XKR4: variants seen among roughly 807,000 people sequenced by gnomAD.
The protein encoded by XKR4 is XK related 4.
A neutral mutation model predicts 53.9 loss-of-function variants in XKR4; 12 were observed. The ratio of observed to expected loss-of-function variants is 0.22; its 90% CI spans 0.14 to 0.36. The LOEUF (loss-of-function observed/expected upper bound fraction) is 0.36. Among genes scored for constraint, XKR4 ranks in the 10% least tolerant of loss-of-function variants. The pLI, the probability that XKR4 is intolerant of heterozygous loss-of-function variation, is 1.00. For missense variants in XKR4, 799 were observed against 859.5 expected (o/e 0.93, Z 0.88); for synonymous variants, 354 against 362.4 (o/e 0.98, Z 0.26).
At chr8:55,192,570 G>A (rs1030413146) in intron 1 of XKR4, among the ~76,000 whole-genome samples, 1 of 152,194 alleles carries the variant, frequency 6.6e-6, no homozygotes, top group African/African-American at 2.4e-5. Flanking sequence ...TGAATAACAG[G>A]AGACTCGGGT....
At chr8:55,405,707 G>T (rs1235410024) in intron 2 of XKR4, among the ~76,000 whole-genome samples, 1 of 152,194 alleles carries the variant, frequency 6.6e-6, no homozygotes, top group Non-Finnish European at 1.5e-5. Flanking sequence ...TGATAGTCCA[G>T]ACTCTAGGAG....
At chr8:55,214,948 G>C (rs1021203614) in intron 1 of XKR4, among the ~76,000 whole-genome samples, 3 of 151,886 alleles carry the variant, frequency 2.0e-5, no homozygotes, top group South Asian at 2.1e-4. Flanking sequence ...CTTTCTCCAG[G>C]GTATGTGTCT....
At chr8:55,465,225 G>A (rs1184106326) in intron 2 of XKR4, among the ~76,000 whole-genome samples, 3 of 152,102 alleles carry the variant, frequency 2.0e-5, no homozygotes, top group African/African-American at 7.3e-5. Flanking sequence ...CATGCTACCT[G>A]ACTTCAAACT....
At chr8:55,213,445 G>T (rs759832176) in intron 1 of XKR4, among the ~76,000 whole-genome samples, 1 of 152,166 alleles carries the variant, frequency 6.6e-6, no homozygotes, top group African/African-American at 2.4e-5. Context: ...AAAGTATCTC[G>T]AGTACCAATC....
At chr8:55,404,035 C>T (rs142544469) in intron 2 of XKR4, among the ~76,000 whole-genome samples, 1 of 152,274 alleles carries the variant, frequency 6.6e-6, no homozygotes, top group Non-Finnish European at 1.5e-5. Flanking sequence ...AAGAGAAGAG[C>T]AGAGGGAAGG....
At chr8:55,282,674 C>T (rs1167383409) in intron 1 of XKR4, among the ~76,000 whole-genome samples, 2 of 152,162 alleles carry the variant, frequency 1.3e-5, no homozygotes, top group African/African-American at 4.8e-5. Context: ...ACTTGTCCTA[C>T]CTCCAACATT....
chr8:55,195,614 A>G (rs1344385060), intron 1 of XKR4, among the ~76,000 whole-genome samples: 1 of 152,170 alleles, frequency 6.6e-6, no homozygotes, highest in Non-Finnish European at 1.5e-5. Flanking sequence ...TAAACTCCCA[A>G]ATTGCTCAGA....
intron 1 of XKR4, among the ~76,000 whole-genome samples, chr8:55,351,416 G>A (rs1468620192): frequency 6.6e-6 from 1 of 152,204 alleles, no homozygotes; most frequent in East Asian, 1.9e-4. Flanking sequence ...AAAAACAAAC[G>A]TCTCATTGTA....
chr8:55,123,164 A>G (rs1333358190), intron 1 of XKR4, among the ~76,000 whole-genome samples: 2 of 152,194 alleles, frequency 1.3e-5, no homozygotes, highest in Non-Finnish European at 2.9e-5. Flanking sequence ...AAACACTTTA[A>G]TTTGCTCACA....
At chr8:55,303,197 T>A (rs1244482544) in intron 1 of XKR4, among the ~76,000 whole-genome samples, 2 of 152,234 alleles carry the variant, frequency 1.3e-5, no homozygotes, top group African/African-American at 2.4e-5. Flanking sequence ...TTGAGAGTTT[T>A]TAGCATGAAG....
chr8:55,424,118 C>T (rs1330448236), intron 2 of XKR4, among the ~76,000 whole-genome samples: 2 of 152,208 alleles, frequency 1.3e-5, no homozygotes, highest in East Asian at 3.9e-4. Flanking sequence ...TGATTTTGCA[C>T]CTGCTTCAGA....
At chr8:55,126,109 T>C (rs1393628628) in intron 1 of XKR4, among the ~76,000 whole-genome samples, 1 of 151,748 alleles carries the variant, frequency 6.6e-6, no homozygotes, top group African/African-American at 2.4e-5. Flanking sequence ...AATAAATTAA[T>C]TAATAAAAGA....
At chr8:55,283,648 C>T (rs1818869407) in intron 1 of XKR4, among the ~76,000 whole-genome samples, 1 of 152,162 alleles carries the variant, frequency 6.6e-6, no homozygotes, top group African/African-American at 2.4e-5. Context: ...GCTGAAAAAG[C>T]ATTCCAGAAT....
intron 2 of XKR4, among the ~76,000 whole-genome samples, chr8:55,481,688 T>G (rs575810816): frequency 1.6e-3 from 235 of 151,602 alleles, no homozygotes; most frequent in African/African-American, 5.4e-3. Context: ...TGAACTCAAA[T>G]CAATTTACAA....
intron 2 of XKR4, among the ~76,000 whole-genome samples, chr8:55,419,579 A>G (rs1804895945): frequency 6.6e-6 from 1 of 152,204 alleles, no homozygotes; most frequent in African/African-American, 2.4e-5. Context: ...TATCTCCCTG[A>G]GGCTTTTAAC....
intron 2 of XKR4, among the ~76,000 whole-genome samples, chr8:55,519,239 T>A (rs769876240): frequency 1.3e-5 from 2 of 152,236 alleles, no homozygotes; most frequent in Non-Finnish European, 2.9e-5. Context: ...TTTAGTCCCC[T>A]GTAGCTGTTT....
chr8:55,442,827 G>T (rs969119932), intron 2 of XKR4, among the ~76,000 whole-genome samples: 1 of 152,178 alleles, frequency 6.6e-6, no homozygotes, highest in Non-Finnish European at 1.5e-5. Context: ...AGAGAAAGAG[G>T]CGTGGGGAGT....
intron 1 of XKR4, among the ~76,000 whole-genome samples, chr8:55,172,213 A>ATC (rs1817169524): frequency 1.3e-5 from 2 of 151,094 alleles, no homozygotes; most frequent in Non-Finnish European, 3.0e-5. Context: ...TCTCTCTCAA[A>ATC]AAAAAAAAAA....
In XKR4 at chr8:55,242,852, T is replaced by C. The variant is rs777389306; in HGVS notation, c.807-114826T>C. 6.9e-4 allele frequency among the ~76,000 whole-genome samples: 105 copies of C among 152,162 alleles called. 1 individual carries two copies. Among genetic ancestry groups the C allele is most frequent in the Non-Finnish European group, 2.4e-4 (16 of 68,036 alleles). ...GAGCTGTCTGTTACATGAGGGAAAC[T>C]ATGATGTGAAGTTTTTAAAAGTCCA... is the stretch of plus-strand genomic sequence containing the variant. On this transcript the variant is annotated intron_variant, in intron 1 of 2. Coordinates refer to ENST00000327381, the MANE Select transcript of XKR4 (RefSeq NM_052898.2).
Sources: gnomAD v4.1 joint callset for allele counts (sites outside exome capture counted in the v4.1 genomes callset) on GRCh38, gnomAD v4.1.1 for gene constraint, MANE v1.5 for transcripts, NCBI Gene and HGNC (gene_info 2026-07-23, HGNC 2026-07-21) for gene names.